The following RLIM variants were observed in gnomAD, a reference collection of about 807,000 sequenced individuals.
RLIM encodes the protein ring finger protein, LIM domain interacting, also known as E3 ubiquitin-protein ligase RLIM.
A neutral mutation model predicts 34.0 loss-of-function variants in RLIM; 2 were observed. The observed-to-expected ratio is 0.06, with a 90% CI of 0.02 to 0.19. RLIM has a LOEUF of 0.19. Among genes scored for constraint, RLIM ranks in the 10% least tolerant of loss-of-function variants. RLIM has a pLI of 1.00. For missense variants in RLIM, 286 were observed against 479.7 expected, an observed-to-expected ratio of 0.60 and a Z score of 3.77; for synonymous variants, 169 against 164.0, an observed-to-expected ratio of 1.03 and a Z score of -0.23.
rs2079619913 is a variant in RLIM at position 74,592,383 on chromosome X, C to T, written c.932G>A (p.Gly311Glu). 5 of 1,211,528 alleles carry T rather than the reference C, an allele frequency of 4.1e-6. No homozygotes were observed. The highest frequency in any genetic ancestry group is 5.6e-6 in the Non-Finnish European group (5 of 895,498). ...TATGGTTGGAGGTCTCTGTCCTGAT[C>T]CTGTAGATTCACCACTGGCAGCTGT... is the stretch of plus-strand genomic sequence containing the variant. ...SDTAASGESTGSGQRPPTIVL... is the reference protein window; with the variant it reads ...SDTAASGESTESGQRPPTIVL... The change falls in exon 4 of 4, where the codon GGA becomes GAA. Residue 311 changes from glycine to glutamate, a missense_variant. By Grantham distance (98) the Gly-to-Glu change is moderately conservative. Coordinates refer to ENST00000332687, the MANE Select transcript of RLIM (RefSeq NM_016120.4).
chrX:74,610,593 T>TAA (rs1213429159), intron 1 of RLIM, among the ~76,000 whole-genome samples: 1 of 110,385 alleles, frequency 9.1e-6, no homozygotes, highest in Non-Finnish European at 1.9e-5. Context: ...GAGGTATATT[T>TAA]AAAAAATACC....
rs2079611258 is a variant in RLIM at position 74,591,179 on chromosome X, A to G, written c.*261T>C. 2 of 339,954 alleles carry G rather than the reference A, an allele frequency of 5.9e-6. No homozygotes were observed. The highest frequency in any genetic ancestry group is 7.2e-5 in the South Asian group (1 of 13,849). The allele number at this position is 339,954 out of a possible 1,213,427, so 28.0% of individuals were successfully genotyped here. A position where few individuals can be genotyped will look rare whatever the true frequency, so the allele number is the denominator to read the frequency against. The stretch of plus-strand genomic sequence containing the variant: ...AAGGAAAAATTGACAAGTGTATATG[A>G]TAAATTATCAGTAACAGTGATGCTA... On this transcript the variant is annotated 3_prime_UTR_variant, in exon 4 of 4. Transcript: ENST00000332687.
Position 74,591,852 on chromosome X carries a change from G to A in RLIM, c.1463C>T (p.Thr488Ile), listed in dbSNP as rs1029687445. 1 of 1,209,489 alleles carries A rather than the reference G, an allele frequency of 8.3e-7. No homozygotes were observed. The highest frequency in any genetic ancestry group is 1.8e-5 in the African/African-American group (1 of 57,032). Reference protein sequence around the residue: ...SSSSGGESSETSSDLFEGSNE... With the variant: ...SSSSGGESSEISSDLFEGSNE... ...ACTGCCTTCAAATAAATCTGAGCTA[G>A]TTTCTGAACTTTCACCACCGGAACT... is the stretch of plus-strand genomic sequence containing the variant. The change falls in exon 4 of 4, where the codon ACT becomes ATT. Residue 488 changes from threonine (T) to isoleucine (I), a missense_variant. Around this residue, in one of 6 missense-constraint regions of RLIM, gnomAD observed 69 missense variants for 83.5 expected, o/e 0.83. Transcript: ENST00000332687.
intron 1 of RLIM, among the ~76,000 whole-genome samples, chrX:74,612,185 C>T (rs892317275): frequency 1.8e-5 from 2 of 111,874 alleles, no homozygotes; most frequent in Non-Finnish European, 3.8e-5. Flanking sequence ...CACAAAGTAA[C>T]GTAAAATTAT....
At chrX:74,608,931 TTC>T (rs1350552162) in intron 1 of RLIM, among the ~76,000 whole-genome samples, 2 of 112,070 alleles carry the variant, frequency 1.8e-5, no homozygotes, top group African/African-American at 6.5e-5. Flanking sequence ...CCGTTTTATG[TTC>T]TTTTATTATC....
intron 1 of RLIM, among the ~76,000 whole-genome samples, chrX:74,610,352 G>A (rs1038985815): frequency 9.1e-6 from 1 of 110,251 alleles, no homozygotes; most frequent in South Asian, 3.8e-4. Context: ...AGGAGGCGGA[G>A]GTTGCAGTGA....
chrX:74,603,306 C>G (rs777371179), intron 1 of RLIM, among the ~76,000 whole-genome samples: 5 of 110,267 alleles, frequency 4.5e-5, no homozygotes, highest in Admixed American at 9.7e-5. Context: ...ACCACCGTCA[C>G]AATGTACTGC....
intron 1 of RLIM, among the ~76,000 whole-genome samples, chrX:74,610,643 G>C (rs1010055661): frequency 1.8e-5 from 2 of 110,441 alleles, no homozygotes; most frequent in Non-Finnish European, 3.8e-5. Context: ...TGTAATCCCA[G>C]CACTTTGGGA....
At chrX:74,606,043 G>A (rs2079680829) in intron 1 of RLIM, among the ~76,000 whole-genome samples, 1 of 111,771 alleles carries the variant, frequency 8.9e-6, no homozygotes, top group African/African-American at 3.3e-5. Context: ...AATCCCAATA[G>A]GTATGACTAA....
intron 1 of RLIM, among the ~76,000 whole-genome samples, chrX:74,613,664 G>C (rs1190269830): frequency 3.1e-4 from 32 of 104,843 alleles, no homozygotes; most frequent in African/African-American, 1.0e-3. Context: ...TAATGGGGGA[G>C]GGATTGAGTT....
chrX:74,611,487 AC>A (rs889050878), intron 1 of RLIM, among the ~76,000 whole-genome samples: 4 of 112,293 alleles, frequency 3.6e-5, no homozygotes. Context: ...CAAATGATAT[AC>A]AAGGAGCTAT....
intron 1 of RLIM, among the ~76,000 whole-genome samples, chrX:74,611,401 A>G (rs2079710320): frequency 8.9e-6 from 1 of 112,203 alleles, no homozygotes. Flanking sequence ...AAGATATCCA[A>G]CCAGCCTAGT....
chrX:74,594,267 C>A, intron 3 of RLIM, 39 bp downstream of exon 3: 1 of 985,047 alleles, frequency 1.0e-6, no homozygotes, highest in African/African-American at 1.9e-5. Flanking sequence ...TCCTATCATC[C>A]CATCGTCTAT....
chrX:74,594,568 ACTT>A (rs894681717), intron 2 of RLIM, among the ~76,000 whole-genome samples, 179 bp from the exon 3 acceptor site: 2 of 111,786 alleles, frequency 1.8e-5, no homozygotes, highest in Admixed American at 1.9e-4. Flanking sequence ...GGAAAAATTC[ACTT>A]CTTTGGAAAC....
chrX:74,596,646 A>G (rs969192668), intron 1 of RLIM, among the ~76,000 whole-genome samples: 1 of 112,454 alleles, frequency 8.9e-6, no homozygotes, highest in African/African-American at 3.2e-5. Context: ...TTTAGTGTTC[A>G]TAAAGTTTTA....
At chrX:74,607,125 G>C (rs985234641) in intron 1 of RLIM, among the ~76,000 whole-genome samples, 2 of 90,718 alleles carry the variant, frequency 2.2e-5, no homozygotes, top group Non-Finnish European at 4.1e-5. Context: ...CTGGGTGACA[G>C]AGACTCCATA....
chrX:74,583,518 C>T lies in RLIM; in HGVS notation c.*7922G>A. 3 of 584,668 alleles carry T rather than the reference C, an allele frequency of 5.1e-6. No individual in the cohort carries two copies. Among genetic ancestry groups the T allele is most frequent in the Admixed American group, 4.6e-5 (2 of 43,686 alleles). The allele number at this position is 584,668 out of a possible 1,213,427, so 48.2% of individuals were successfully genotyped here. A position where few individuals can be genotyped will look rare whatever the true frequency, so the allele number is the denominator to read the frequency against. On this transcript the variant is annotated 3_prime_UTR_variant, in exon 4 of 4. Coordinates refer to ENST00000332687, the MANE Select transcript of RLIM (RefSeq NM_016120.4). ...AGCTGCAGCAGCTGTAGCTGCAAGA[C>T]GTGGACCCATTGTCTGTGTTGATGA... is the stretch of plus-strand genomic sequence containing the variant.
intron 1 of RLIM, among the ~76,000 whole-genome samples, 174 bp from the exon 2 acceptor site, chrX:74,596,174 T>G (rs900939263): frequency 1.1e-4 from 12 of 112,358 alleles, no homozygotes; most frequent in Admixed American, 6.6e-4. Context: ...AGGTCAAGGG[T>G]TGGCAAACTA....
At chrX:74,596,132 A>T (rs2079638765) in intron 1 of RLIM, 132 bp from the exon 2 acceptor site, 1 of 396,613 alleles carries the variant, frequency 2.5e-6, no homozygotes. Flanking sequence ...TTCCTAACAA[A>T]AACTCCTGAA....
Sources: allele counts gnomAD v4.1 joint callset (sites outside exome capture counted in the v4.1 genomes callset), GRCh38; gene constraint gnomAD v4.1.1; regional missense constraint gnomAD v4.1.1; transcripts MANE v1.5; gene names NCBI Gene and HGNC (gene_info 2026-07-23, HGNC 2026-07-21).